IGSF10: variants seen among roughly 807,000 people sequenced by gnomAD.
IGSF10 encodes calvaria mechanical force protein 608.
IGSF10 carries 126 observed loss-of-function variants against 128.2 expected under a neutral mutation model. The observed-to-expected ratio is 0.98, with a 90% CI of 0.85 to 1.14. The LOEUF is 1.14. Ranked by LOEUF, IGSF10 falls within the 50% of genes most tolerant of loss-of-function variation. IGSF10 has a pLI of 0.00. For missense variants in IGSF10, 3,295 were observed against 3,149.8 expected, an observed-to-expected ratio of 1.05 and a Z score of -1.10; for synonymous variants, 1,185 against 1,146.2, an observed-to-expected ratio of 1.03 and a Z score of -0.68.
the IGSF10 span, among the ~76,000 whole-genome samples, chr3:151,524,565 G>T: frequency 6.6e-6 from 1 of 152,116 alleles, no homozygotes; most frequent in Non-Finnish European, 1.5e-5. Context: ...CTTATAAGTG[G>T]GAGCTAAATG....
At position 151,436,238 on chromosome 3, in the gene IGSF10, A is replaced by T. The variant is rs1167505276; in HGVS notation, c.*451T>A. On this transcript the variant is annotated 3_prime_UTR_variant, in exon 8 of 8. Transcript: ENST00000282466. ...GTTTTAGCAAAAAAATTTATAAACC[A>T]CAAAATATTTATACATCAGGATGGT... 6.5e-6 allele frequency: 1 copy of T among 154,118 alleles called. No individual in the cohort carries two copies. The highest frequency in any genetic ancestry group is 1.4e-5 in the Non-Finnish European group (1 of 69,318). 9.5% of individuals were successfully genotyped at this position (154,118 alleles called of 1,614,324 possible).
chr3:151,592,507 T>C, the IGSF10 span, among the ~76,000 whole-genome samples: 3 of 152,176 alleles, frequency 2.0e-5, no homozygotes, highest in African/African-American at 4.8e-5. Context: ...ATAGCTATTA[T>C]GCACTTGGTA....
the IGSF10 span, among the ~76,000 whole-genome samples, chr3:151,617,676 A>G: frequency 3.9e-5 from 6 of 152,028 alleles, no homozygotes; most frequent in African/African-American, 1.4e-4. Context: ...GGAGAAGAAT[A>G]TGAGTTTTGG....
the IGSF10 span, among the ~76,000 whole-genome samples, chr3:151,508,193 T>C: frequency 6.6e-6 from 1 of 152,074 alleles, no homozygotes; most frequent in African/African-American, 2.4e-5. Flanking sequence ...AAAATTTTGT[T>C]TGGCTTAAAG....
At chr3:151,547,804 A>G in the IGSF10 span, among the ~76,000 whole-genome samples, 1 of 152,220 alleles carries the variant, frequency 6.6e-6, no homozygotes, top group South Asian at 2.1e-4. Context: ...ATCCGCCGGC[A>G]TGTTATTTAC....
the IGSF10 span, among the ~76,000 whole-genome samples, chr3:151,557,515 T>G: frequency 2.0e-5 from 3 of 152,124 alleles, no homozygotes; most frequent in African/African-American, 7.2e-5. Context: ...CTTCCCTGCA[T>G]TTGCTACTTC....
At chr3:151,541,214 T>C in the IGSF10 span, among the ~76,000 whole-genome samples, 1 of 152,236 alleles carries the variant, frequency 6.6e-6, no homozygotes, top group African/African-American at 2.4e-5. Context: ...AGTCATGTTT[T>C]TGACTGTCCA....
the IGSF10 span, among the ~76,000 whole-genome samples, chr3:151,604,832 C>A: frequency 1.3e-5 from 2 of 151,970 alleles, no homozygotes; most frequent in South Asian, 4.1e-4. Context: ...AACCAGCACT[C>A]CTAGCAGAAA....
chr3:151,576,666 A>G, the IGSF10 span, among the ~76,000 whole-genome samples: 2 of 152,218 alleles, frequency 1.3e-5, no homozygotes, highest in African/African-American at 4.8e-5. Context: ...ACCTCTGGTC[A>G]TCCTCACTGC....
At chr3:151,485,416 G>A in the IGSF10 span, among the ~76,000 whole-genome samples, 1 of 152,144 alleles carries the variant, frequency 6.6e-6, no homozygotes, top group Non-Finnish European at 1.5e-5. Flanking sequence ...AATCTAGCAA[G>A]ATGGCCAACA....
intron 4 of IGSF10, among the ~76,000 whole-genome samples, chr3:151,456,575 A>T (rs1721807209): frequency 6.6e-6 from 1 of 152,138 alleles, no homozygotes; most frequent in South Asian, 2.1e-4. Flanking sequence ...GCATGATTTT[A>T]TGCATTCTTG....
chr3:151,548,696 T>G, the IGSF10 span, among the ~76,000 whole-genome samples: 1 of 152,214 alleles, frequency 6.6e-6, no homozygotes, highest in Non-Finnish European at 1.5e-5. Flanking sequence ...CTTAGAAATT[T>G]TATCAAATTG....
the IGSF10 span, among the ~76,000 whole-genome samples, chr3:151,551,604 G>T: frequency 8.7e-5 from 13 of 149,588 alleles, no homozygotes; most frequent in South Asian, 2.1e-4. Context: ...TCAAATACAA[G>T]AAATAATTTT....
At chr3:151,578,746 C>A in the IGSF10 span, among the ~76,000 whole-genome samples, 3 of 152,156 alleles carry the variant, frequency 2.0e-5, no homozygotes, top group East Asian at 3.9e-4. Context: ...TAGGTGAAGA[C>A]CCATTGGAGC....
downstream of IGSF10, chr3:151,435,916 C>T (rs1213573069): frequency 6.6e-6 from 1 of 152,122 alleles, no homozygotes; most frequent in Non-Finnish European, 1.5e-5. Flanking sequence ...GATTCCTGCT[C>T]AGAAAAATTT....
chr3:151,445,399 C>T lies in IGSF10; in HGVS notation c.4582G>A (p.Val1528Ile). ...ATTGTGAACTTGGCATTTGGGTGAA[C>T]CTTGGGGGATGTTGCAACCTCTGCT... is the stretch of plus-strand genomic sequence containing the variant. The part of the protein sequence containing the change: ...LVAEVATSPK[V>I]HPNAKFTIGT... The change falls in exon 6 of 8, where the codon GTT becomes ATT. Residue 1528 changes from valine (V) to isoleucine (I), a missense_variant. Physicochemically the swap from Val to Ile is conservative, Grantham distance 29. Transcript: ENST00000282466. The T allele has an allele frequency of 1.9e-6, 3 of 1,614,088 alleles. No homozygotes were observed. Among genetic ancestry groups the T allele is most frequent in the Non-Finnish European group, 2.5e-6 (3 of 1,180,028 alleles).
At chr3:151,532,379 G>C in the IGSF10 span, among the ~76,000 whole-genome samples, 316 of 152,162 alleles carry the variant, frequency 2.1e-3, 2 homozygotes, top group Middle Eastern at 3.4e-3. Context: ...AACAAAAAAA[G>C]AAAATTTCAG....
the IGSF10 span, among the ~76,000 whole-genome samples, chr3:151,515,080 A>G: frequency 6.6e-6 from 1 of 152,160 alleles, no homozygotes; most frequent in Non-Finnish European, 1.5e-5. Context: ...AGGATCTAGA[A>G]CTAGAAATAC....
chr3:151,527,144 A>G, the IGSF10 span, among the ~76,000 whole-genome samples: 4 of 152,198 alleles, frequency 2.6e-5, no homozygotes, highest in Admixed American at 6.5e-5. Context: ...TTCCTTTAGA[A>G]TATTATACCT....
Sources: allele counts gnomAD v4.1 joint callset (sites outside exome capture counted in the v4.1 genomes callset), GRCh38; gene constraint gnomAD v4.1.1; transcripts MANE v1.5; gene names NCBI Gene and HGNC (gene_info 2026-07-23, HGNC 2026-07-21).